RASGEF1A: variants seen among roughly 807,000 people sequenced by gnomAD.
RASGEF1A encodes ras-GEF domain-containing family member 1A.
RASGEF1A carries 18 observed loss-of-function variants against 56.4 expected under a neutral mutation model. The observed-to-expected ratio is 0.32, with a 90% confidence interval of 0.22 to 0.47. The LOEUF is 0.47. Among genes scored for constraint, RASGEF1A ranks in the 20% least tolerant of loss-of-function variants. RASGEF1A has a pLI of 1.00. For synonymous variants in RASGEF1A, 245 were observed against 242.6 expected (o/e 1.01, Z -0.09); for missense variants, 422 against 627.1 (o/e 0.67, Z 3.49).
chr10:43,226,008 T>G (rs1252001431), intron 1 of RASGEF1A, among the ~76,000 whole-genome samples: 1 of 141,882 alleles, frequency 7.0e-6, no homozygotes, highest in Non-Finnish European at 1.5e-5. Flanking sequence ...GGAAGGCGGG[T>G]GTGGGCGGTG....
intron 1 of RASGEF1A, among the ~76,000 whole-genome samples, chr10:43,265,109 C>T (rs973055737): frequency 1.3e-5 from 2 of 152,164 alleles, no homozygotes; most frequent in African/African-American, 4.8e-5. Context: ...CCACCGCAGC[C>T]ACTGTCCAGC....
At chr10:43,223,756 C>A (rs1208375884) in intron 1 of RASGEF1A, among the ~76,000 whole-genome samples, 1 of 152,032 alleles carries the variant, frequency 6.6e-6, no homozygotes, top group Non-Finnish European at 1.5e-5. Context: ...GAGGGCCAGG[C>A]ACCCTGGATC....
At chr10:43,265,975 T>C (rs938347208) in intron 1 of RASGEF1A, among the ~76,000 whole-genome samples, 2 of 151,572 alleles carry the variant, frequency 1.3e-5, no homozygotes, top group African/African-American at 4.8e-5. Context: ...GTGGGGAGGG[T>C]GAACCAGGGA....
At chr10:43,263,307 G>C (rs1485142872) in intron 1 of RASGEF1A, among the ~76,000 whole-genome samples, 1 of 152,128 alleles carries the variant, frequency 6.6e-6, no homozygotes, top group African/African-American at 2.4e-5. Flanking sequence ...AGACATCCCT[G>C]GACTGAAGGA....
Position 43,203,332 on chromosome 10 carries a change from T to TCCACGCAGATCTGCC in RASGEF1A, c.272_286dup (p.Gly91_Val95dup), listed in dbSNP as rs1220993832. 6.3e-7 allele frequency: 1 copy of TCCACGCAGATCTGCC among 1,574,928 alleles called. No homozygotes were observed. Among genetic ancestry groups the TCCACGCAGATCTGCC allele is most frequent in the Non-Finnish European group, 8.6e-7 (1 of 1,160,678 alleles). ...CCCGGCTTCCAGCTGCTGCTTCTGC[T>TCCACGCAGATCTGCC]CCACGCAGATCTGCCCCACGCGGGC... On this transcript the variant is annotated inframe_insertion, in exon 3 of 13. Transcript: ENST00000395810.
At chr10:43,239,834 T>C (rs1840480634) in intron 1 of RASGEF1A, among the ~76,000 whole-genome samples, 1 of 152,228 alleles carries the variant, frequency 6.6e-6, no homozygotes, top group South Asian at 2.1e-4. Flanking sequence ...CCAAGGTTCA[T>C]TGTCAAAAAC....
At chr10:43,207,505 T>G (rs1840014018) in intron 1 of RASGEF1A, 1 of 985,296 alleles carries the variant, frequency 1.0e-6, no homozygotes, top group Non-Finnish European at 1.2e-6. Context: ...TCACTGGTTT[T>G]CCCACCAAAC....
rs533281721 is a variant in RASGEF1A at position 43,231,398 on chromosome 10, C to T, written c.-6-25276G>A. Among the ~76,000 whole-genome samples the T allele has an allele frequency of 5.3e-5, 8 of 152,328 alleles. No homozygotes were observed. The South Asian group carries it at 6.2e-4, about 12-fold the overall frequency. ...CAGAACATCTGGGCCCTGGGGTGGC[C>T]CCAGTGTTGTCTCAGGAAGTCCATG... On this transcript the variant is annotated intron_variant, in intron 1 of 12. Transcript: ENST00000395810.
At chr10:43,266,139 T>G (rs1211091131) in intron 1 of RASGEF1A, among the ~76,000 whole-genome samples, 3 of 152,170 alleles carry the variant, frequency 2.0e-5, no homozygotes, top group African/African-American at 7.2e-5. Flanking sequence ...CACAGGAACC[T>G]GCCAGCGCGT....
At chr10:43,244,410 A>C (rs1270842071) in intron 1 of RASGEF1A, among the ~76,000 whole-genome samples, 1 of 151,070 alleles carries the variant, frequency 6.6e-6, no homozygotes, top group African/African-American at 2.4e-5. Flanking sequence ...AAATTAAAAA[A>C]AAAAATCAGA....
chr10:43,244,203 T>A (rs1254617634), intron 1 of RASGEF1A, among the ~76,000 whole-genome samples: 3 of 151,968 alleles, frequency 2.0e-5, no homozygotes, highest in Non-Finnish European at 4.4e-5. Context: ...TCGTTAAGAG[T>A]CATCACCGTT....
intron 1 of RASGEF1A, among the ~76,000 whole-genome samples, chr10:43,239,413 C>T (rs920643176): frequency 2.0e-5 from 3 of 152,102 alleles, no homozygotes; most frequent in African/African-American, 7.2e-5. Context: ...CTCCAAAAAC[C>T]CTCTCTTCCA....
At chr10:43,202,055 G>A (rs1839908484) in intron 3 of RASGEF1A, 110 bp from the exon 4 acceptor site, 6 of 1,251,314 alleles carry the variant, frequency 4.8e-6, no homozygotes, top group Non-Finnish European at 6.4e-6. Context: ...GCCCTGTGCT[G>A]GGCACAGCCC....
chr10:43,249,206 G>A (rs1233700274), intron 1 of RASGEF1A, among the ~76,000 whole-genome samples: 1 of 152,218 alleles, frequency 6.6e-6, no homozygotes, highest in East Asian at 1.9e-4. Flanking sequence ...TCTAAGAACA[G>A]TAGCCAAGAC....
chr10:43,214,593 G>A (rs1564533122), intron 1 of RASGEF1A, among the ~76,000 whole-genome samples: 1 of 152,130 alleles, frequency 6.6e-6, no homozygotes, highest in Non-Finnish European at 1.5e-5. Context: ...GGAACAACAG[G>A]CCAGGAGGGG....
chr10:43,259,692 A>C (rs1229678766), intron 1 of RASGEF1A, among the ~76,000 whole-genome samples: 1 of 152,184 alleles, frequency 6.6e-6, no homozygotes, highest in Non-Finnish European at 1.5e-5. Context: ...ATGAGAGGGC[A>C]CAGAACAAGC....
At chr10:43,220,466 G>A (rs566756084) in intron 1 of RASGEF1A, among the ~76,000 whole-genome samples, 27 of 152,258 alleles carry the variant, frequency 1.8e-4, no homozygotes, top group Admixed American at 1.5e-3. Context: ...GCATCCCTGG[G>A]TGACAGAGCC....
intron 7 of RASGEF1A, 28 bp downstream of exon 7, chr10:43,199,648 C>A: frequency 6.4e-7 from 1 of 1,572,038 alleles, no homozygotes; most frequent in South Asian, 1.1e-5. Context: ...ATGGCAGCCA[C>A]CCCACCATGT....
chr10:43,215,236 T>A (rs1475309058), intron 1 of RASGEF1A, among the ~76,000 whole-genome samples: 1 of 151,480 alleles, frequency 6.6e-6, no homozygotes, highest in African/African-American at 2.4e-5. Flanking sequence ...TGCCAGGAGG[T>A]GGAGGAGGGG....
Sources: allele counts gnomAD v4.1 joint callset (sites outside exome capture counted in the v4.1 genomes callset), GRCh38; gene constraint gnomAD v4.1.1; transcripts MANE v1.5; gene names NCBI Gene and HGNC (gene_info 2026-07-23, HGNC 2026-07-21).